Variants in GALNT13 observed in about 807,000 individuals in gnomAD.
GALNT13 encodes the protein polypeptide N-acetylgalactosaminyltransferase 13, also known as UDP-GalNAc:polypeptide N-acetylgalactosaminyltransferase 13.
Under a neutral mutation model 64.2 loss-of-function variants are expected in GALNT13, and 28 were observed. That is an observed-to-expected ratio of 0.44 (90% CI 0.32 to 0.60). GALNT13 has a LOEUF of 0.60. Ranked by LOEUF, GALNT13 falls within the 20% of genes least tolerant of loss-of-function variation. The pLI, the probability that GALNT13 is intolerant of heterozygous loss-of-function variation, is 0.05. For missense variants in GALNT13, 577 were observed against 669.8 expected (o/e 0.86, Z 1.53); for synonymous variants, 214 against 224.6 (o/e 0.95, Z 0.42).
intron 8 of GALNT13, among the ~76,000 whole-genome samples, chr2:154,264,389 A>C (rs1180241518): frequency 6.6e-6 from 1 of 151,186 alleles, no homozygotes; most frequent in East Asian, 2.0e-4. Context: ...TGAGAGATCG[A>C]GCAGGCAGAT....
intron 3 of GALNT13, among the ~76,000 whole-genome samples, chr2:154,080,593 A>G (rs1422958346): frequency 6.6e-6 from 1 of 151,270 alleles, no homozygotes; most frequent in Admixed American, 6.6e-5. Flanking sequence ...CGTGCACTTG[A>G]TTTCTAAATT....
chr2:153,186,550 T>A, the GALNT13 span, among the ~76,000 whole-genome samples: 3 of 152,094 alleles, frequency 2.0e-5, no homozygotes, highest in Non-Finnish European at 4.4e-5. Flanking sequence ...TCAGTGTCAC[T>A]GGTCTGTGTA....
intron 4 of GALNT13, among the ~76,000 whole-genome samples, chr2:154,159,232 T>G (rs1371065457): frequency 6.6e-6 from 1 of 152,086 alleles, no homozygotes; most frequent in Non-Finnish European, 1.5e-5. Context: ...CCTCCTAGGT[T>G]TAAGAAATTC....
chr2:153,739,868 C>T, the GALNT13 span, among the ~76,000 whole-genome samples: 4 of 151,514 alleles, frequency 2.6e-5, no homozygotes, highest in African/African-American at 7.3e-5. Flanking sequence ...TAGGTTTAGG[C>T]TAGATTCTAT....
chr2:153,721,953 G>A, the GALNT13 span, among the ~76,000 whole-genome samples: 1,300 of 147,892 alleles, frequency 8.8e-3, 25 homozygotes, highest in African/African-American at 0.03. Flanking sequence ...TGCACCAAGC[G>A]GACCTAATAG....
chr2:153,700,920 A>G, the GALNT13 span, among the ~76,000 whole-genome samples: 1 of 152,230 alleles, frequency 6.6e-6, no homozygotes, highest in Non-Finnish European at 1.5e-5. Flanking sequence ...ATACTACCCA[A>G]AATAATTTAT....
At chr2:153,664,371 C>A in the GALNT13 span, among the ~76,000 whole-genome samples, 4 of 152,174 alleles carry the variant, frequency 2.6e-5, no homozygotes, top group African/African-American at 9.7e-5. Context: ...TCTGCCTGGT[C>A]CCGCAGGCAG....
chr2:153,525,911 T>G, the GALNT13 span, among the ~76,000 whole-genome samples: 1 of 152,230 alleles, frequency 6.6e-6, no homozygotes, highest in Non-Finnish European at 1.5e-5. Context: ...GTTGGTAGGC[T>G]GGCAGTACTG....
At chr2:153,829,416 G>A in the GALNT13 span, among the ~76,000 whole-genome samples, 1 of 152,112 alleles carries the variant, frequency 6.6e-6, no homozygotes, top group East Asian at 1.9e-4. Flanking sequence ...TACATAGATG[G>A]CAGCAGGCAA....
At chr2:153,102,691 A>G in the GALNT13 span, among the ~76,000 whole-genome samples, 306 of 152,292 alleles carry the variant, frequency 2.0e-3, no homozygotes, top group African/African-American at 6.1e-3. Context: ...ATTCCCCCGA[A>G]ACAGCTATTA....
chr2:153,557,232 ATGT>A, the GALNT13 span, among the ~76,000 whole-genome samples: 1 of 152,182 alleles, frequency 6.6e-6, no homozygotes, highest in African/African-American at 2.4e-5. Context: ...GTACAGTAAC[ATGT>A]TGTACAGATT....
intron 3 of GALNT13, among the ~76,000 whole-genome samples, chr2:154,067,841 T>C (rs1413161669): frequency 2.0e-5 from 3 of 152,028 alleles, no homozygotes; most frequent in Non-Finnish European, 4.4e-5. Context: ...CACAAGTACA[T>C]GCAACCAAAG....
At chr2:153,751,387 T>A in the GALNT13 span, among the ~76,000 whole-genome samples, 170 of 151,804 alleles carry the variant, frequency 1.1e-3, no homozygotes, top group South Asian at 0.015. Flanking sequence ...CTTTTTCTGA[T>A]GTTCTGTTTG....
the GALNT13 span, among the ~76,000 whole-genome samples, chr2:153,074,288 A>T: frequency 6.6e-6 from 1 of 152,140 alleles, no homozygotes; most frequent in Admixed American, 6.6e-5. Flanking sequence ...TACTTAGTTC[A>T]TTTTTTTGAC....
intron 4 of GALNT13, among the ~76,000 whole-genome samples, chr2:154,204,401 T>G (rs776663074): frequency 2.0e-5 from 3 of 152,220 alleles, no homozygotes; most frequent in Non-Finnish European, 1.5e-5. Flanking sequence ...CAATAAATAT[T>G]AACTGAATAA....
chr2:153,214,182 G>A, the GALNT13 span, among the ~76,000 whole-genome samples: 1 of 151,990 alleles, frequency 6.6e-6, no homozygotes, highest in East Asian at 1.9e-4. Context: ...GTTGGAGAGG[G>A]CCCTGGGTAA....
intron 3 of GALNT13, among the ~76,000 whole-genome samples, chr2:154,039,320 T>G (rs1189191254): frequency 9.5e-6 from 1 of 105,778 alleles, no homozygotes; most frequent in Admixed American, 9.4e-5. Context: ...CCATGCTTAT[T>G]GCAGCACTAT....
chr2:153,164,649 G>GT, the GALNT13 span, among the ~76,000 whole-genome samples: 15 of 151,638 alleles, frequency 9.9e-5, no homozygotes, highest in East Asian at 5.8e-4. Flanking sequence ...ATTTTCTTGT[G>GT]TTTTTTTTGT....
chr2:154,156,483 A>G (rs1380647400), intron 4 of GALNT13, among the ~76,000 whole-genome samples: 1 of 152,134 alleles, frequency 6.6e-6, no homozygotes, highest in Non-Finnish European at 1.5e-5. Flanking sequence ...ATATTTATTG[A>G]ATTTTTAGTA....
Sources: allele counts gnomAD v4.1 joint callset (sites outside exome capture counted in the v4.1 genomes callset), GRCh38; gene constraint gnomAD v4.1.1; transcripts MANE v1.5; gene names NCBI Gene and HGNC (gene_info 2026-07-23, HGNC 2026-07-21).